The following GLIS3 variants were observed in gnomAD, a reference collection of about 807,000 sequenced individuals.
The protein encoded by GLIS3 is GLIS family zinc finger 3.
GLIS3 carries 53 observed loss-of-function variants against 78.6 expected under a neutral mutation model. That is an observed-to-expected ratio of 0.67 (90% CI 0.54 to 0.85). GLIS3 has a LOEUF of 0.85. Among genes scored for constraint, GLIS3 ranks in the 40% least tolerant of loss-of-function variants. The probability of loss-of-function intolerance (pLI) is 0.00; values close to 1 mark genes in which losing one functional copy is unlikely to be tolerated. For synonymous variants in GLIS3, 684 were observed against 509.9 expected (o/e 1.34, Z -4.60); for missense variants, 1,703 against 1,231.1 (o/e 1.38, Z -5.74).
At chr9:3,989,849 T>A (rs751291186) in intron 4 of GLIS3, among the ~76,000 whole-genome samples, 1 of 152,130 alleles carries the variant, frequency 6.6e-6, no homozygotes, top group Admixed American at 6.5e-5. Context: ...TAGCAACACA[T>A]TGTATAGAAC....
At chr9:3,944,234 T>C (rs28700035) in intron 4 of GLIS3, among the ~76,000 whole-genome samples, 36,062 of 152,064 alleles carry the variant, frequency 0.24, 6,195 homozygotes, top group African/African-American at 0.49. Flanking sequence ...TAGAGAGAAA[T>C]ATGTTATTTC....
chr9:3,924,378 G>C (rs1044240272), intron 6 of GLIS3, among the ~76,000 whole-genome samples: 1 of 152,164 alleles, frequency 6.6e-6, no homozygotes, highest in Non-Finnish European at 1.5e-5. Context: ...TAGTTGCCAA[G>C]AAGGGAAAAT....
At chr9:4,000,497 T>C in intron 4 of GLIS3, among the ~76,000 whole-genome samples, 1 of 152,120 alleles carries the variant, frequency 6.6e-6, no homozygotes, top group East Asian at 1.9e-4. Context: ...TATTCTTACT[T>C]AAAAAATATA....
intron 1 of GLIS3, among the ~76,000 whole-genome samples, chr9:4,297,676 C>T (rs930821797): frequency 6.6e-6 from 1 of 152,152 alleles, no homozygotes; most frequent in Non-Finnish European, 1.5e-5. Context: ...AAGCACCTCC[C>T]TACCCCTTCC....
At chr9:4,136,724 G>C (rs1409419063) in intron 2 of GLIS3, among the ~76,000 whole-genome samples, 2 of 152,166 alleles carry the variant, frequency 1.3e-5, no homozygotes, top group East Asian at 3.8e-4. Context: ...GCGTCCTGGA[G>C]AAACAAAGAT....
intron 4 of GLIS3, among the ~76,000 whole-genome samples, chr9:3,987,917 A>T (rs1819905407): frequency 6.6e-6 from 1 of 152,084 alleles, no homozygotes; most frequent in African/African-American, 2.4e-5. Flanking sequence ...ATCTTGAAAT[A>T]ATCCAGAGAA....
intron 2 of GLIS3, among the ~76,000 whole-genome samples, chr9:4,344,079 A>G (rs1256919809): frequency 6.6e-6 from 1 of 152,220 alleles, no homozygotes. Context: ...CTCAGAAAGA[A>G]ATATTATAAT....
At chr9:4,082,347 T>C (rs937788266) in intron 4 of GLIS3, among the ~76,000 whole-genome samples, 1 of 152,148 alleles carries the variant, frequency 6.6e-6, no homozygotes, top group African/African-American at 2.4e-5. Flanking sequence ...CAAAAGAAGA[T>C]AGAACGAAGG....
intron 9 of GLIS3, among the ~76,000 whole-genome samples, chr9:3,855,182 C>T (rs1349907975): frequency 6.6e-5 from 10 of 152,174 alleles, no homozygotes; most frequent in Non-Finnish European, 1.5e-4. Flanking sequence ...AAGATACGTG[C>T]CTGAAATGGC....
intron 2 of GLIS3, among the ~76,000 whole-genome samples, chr9:4,259,494 G>A (rs142425490): frequency 5.3e-5 from 8 of 152,204 alleles, no homozygotes; most frequent in African/African-American, 1.9e-4. Flanking sequence ...AGGAGTTTAA[G>A]TTGACTATAT....
chr9:4,160,263 A>C (rs945677173), intron 2 of GLIS3, among the ~76,000 whole-genome samples: 1 of 152,230 alleles, frequency 6.6e-6, no homozygotes, highest in African/African-American at 2.4e-5. Context: ...AATAACCTCC[A>C]GTGGTGCTAA....
chr9:4,177,741 T>G (rs1293668688), intron 2 of GLIS3, among the ~76,000 whole-genome samples: 2 of 152,252 alleles, frequency 1.3e-5, no homozygotes, highest in African/African-American at 2.4e-5. Flanking sequence ...AATCTTCATA[T>G]GGAAAGTGTT....
At chr9:4,461,509 T>C in the GLIS3 span, among the ~76,000 whole-genome samples, 2 of 152,158 alleles carry the variant, frequency 1.3e-5, no homozygotes, top group Non-Finnish European at 2.9e-5. Flanking sequence ...TCCTCAACTC[T>C]CACTCAAATT....
At chr9:4,365,677 C>T in the GLIS3 span, among the ~76,000 whole-genome samples, 17 of 152,370 alleles carry the variant, frequency 1.1e-4, no homozygotes, top group African/African-American at 3.6e-4. Context: ...CAGAAAACGT[C>T]ATCTGAAAAA....
intron 2 of GLIS3, among the ~76,000 whole-genome samples, chr9:4,275,765 T>C (rs926632631): frequency 3.9e-5 from 6 of 151,984 alleles, no homozygotes; most frequent in African/African-American, 9.7e-5. Flanking sequence ...CCAGTCTCTA[T>C]AAATAAATAA....
At chr9:4,316,843 T>C (rs1450541776) in intron 2 of GLIS3, among the ~76,000 whole-genome samples, 1 of 147,600 alleles carries the variant, frequency 6.8e-6, no homozygotes, top group Non-Finnish European at 1.5e-5. Flanking sequence ...TTTCCGTGTT[T>C]AATATGAGAA....
chr9:4,221,390 A>T (rs1821317538), intron 2 of GLIS3, among the ~76,000 whole-genome samples: 1 of 152,252 alleles, frequency 6.6e-6, no homozygotes, highest in South Asian at 2.1e-4. Flanking sequence ...AAAAGAAATA[A>T]ATTATTTTTT....
the GLIS3 span, among the ~76,000 whole-genome samples, chr9:4,357,702 T>C: frequency 1.3e-5 from 2 of 152,146 alleles, no homozygotes; most frequent in African/African-American, 4.8e-5. Context: ...GGTATCAAAA[T>C]TTACATTGAG....
chr9:4,247,612 A>G (rs1823917792), intron 2 of GLIS3, among the ~76,000 whole-genome samples: 2 of 152,156 alleles, frequency 1.3e-5, no homozygotes, highest in South Asian at 2.1e-4. Flanking sequence ...TACTATCACC[A>G]TTACAATTTA....
Sources: gnomAD v4.1 joint callset for allele counts (sites outside exome capture counted in the v4.1 genomes callset) on GRCh38, gnomAD v4.1.1 for gene constraint, MANE v1.5 for transcripts, NCBI Gene and HGNC (gene_info 2026-07-23, HGNC 2026-07-21) for gene names.